The following TMPRSS12 variants were observed in gnomAD, a reference collection of about 807,000 sequenced individuals.
TMPRSS12 encodes the protein transmembrane serine protease 12.
In TMPRSS12, 25 loss-of-function variants were observed where a neutral mutation model predicts 26.0. The ratio of observed to expected loss-of-function variants is 0.96; its 90% confidence interval spans 0.70 to 1.34. TMPRSS12 has a LOEUF of 1.34. Ranked by LOEUF, TMPRSS12 falls within the 40% of genes most tolerant of loss-of-function variation. The pLI is 0.00. For synonymous variants in TMPRSS12, 150 were observed against 161.7 expected, an observed-to-expected ratio of 0.93 and a Z score of 0.55; for missense variants, 441 against 440.1, an observed-to-expected ratio of 1.00 and a Z score of -0.02.
chr12:50,865,200 G>T (rs546158364), intron 3 of TMPRSS12, among the ~76,000 whole-genome samples: 1 of 152,220 alleles, frequency 6.6e-6, no homozygotes, highest in South Asian at 2.1e-4. Context: ...AGGCATGGTG[G>T]TGGGTGCCTG....
rs185466150 is a variant in TMPRSS12 at position 50,857,722 on chromosome 12, T to G, written c.384-1063T>G. Among the ~76,000 whole-genome samples the G allele has an allele frequency of 1.7e-4, 26 of 152,344 alleles. No homozygotes were observed. In the East Asian group the frequency reaches 5.0e-3, roughly 29 times the overall value. The stretch of plus-strand genomic sequence containing the variant: ...CTTCTTGTTTTTACCTTTAGTGTCA[T>G]GCTTTATCAAATCCTTTCTTGCGTC... On this transcript the variant is annotated intron_variant, in intron 2 of 4. Transcript: ENST00000398458.
chr12:50,882,797 A>C (rs967801882), intron 3 of TMPRSS12, among the ~76,000 whole-genome samples: 1 of 53,444 alleles, frequency 1.9e-5, no homozygotes, highest in African/African-American at 6.6e-5. Flanking sequence ...AAAATAAAAA[A>C]CCAGAACTCA....
intron 3 of TMPRSS12, among the ~76,000 whole-genome samples, chr12:50,871,544 T>C (rs1938042457): frequency 6.6e-6 from 1 of 152,138 alleles, no homozygotes; most frequent in Admixed American, 6.5e-5. Context: ...GGCAAGGATT[T>C]CATGACCAAG....
rs1258231876 is a variant in TMPRSS12, at chr12:50,885,317, A to C, written c.724A>C (p.Ser242Arg). 3 of 1,613,484 alleles carry C rather than the reference A, an allele frequency of 1.9e-6. No homozygotes were observed. Among genetic ancestry groups the C allele is most frequent in the Non-Finnish European group, 2.5e-6 (3 of 1,179,754 alleles). Residue 242 changes from serine (S) to arginine (R), a missense_variant, in exon 4 of 5, where the codon AGT (serine) becomes CGT (arginine). Physicochemically the swap from Ser to Arg is moderately radical, Grantham distance 110. Coordinates refer to ENST00000398458, the MANE Select transcript of TMPRSS12 (RefSeq NM_182559.3). ...TCGAGAGATGTGTAATTCTGAGAGG[A>C]GTTATGGGGGAATAATTCCTAACAC... Reference protein sequence around the residue: ...ISREMCNSERSYGGIIPNTSF... With the variant: ...ISREMCNSERRYGGIIPNTSF...
intron 3 of TMPRSS12, among the ~76,000 whole-genome samples, chr12:50,859,468 G>A (rs1937915072): frequency 6.6e-6 from 1 of 151,938 alleles, no homozygotes; most frequent in African/African-American, 2.4e-5. Flanking sequence ...TGCCCACATC[G>A]GCCTCCCAAA....
At chr12:50,874,124 C>T (rs1028727185) in intron 3 of TMPRSS12, among the ~76,000 whole-genome samples, 4 of 152,050 alleles carry the variant, frequency 2.6e-5, no homozygotes, top group African/African-American at 9.7e-5. Flanking sequence ...AAGCCCAGTT[C>T]ACTTCACAGG....
At chr12:50,873,401 G>GT (rs1306763836) in intron 3 of TMPRSS12, among the ~76,000 whole-genome samples, 1 of 152,050 alleles carries the variant, frequency 6.6e-6, no homozygotes, top group Non-Finnish European at 1.5e-5. Flanking sequence ...CTGAGAGAAA[G>GT]TAACTATGAG....
chr12:50,844,000 T>C lies in TMPRSS12; in HGVS notation c.346T>C (p.Trp116Arg). 1 of 1,602,536 alleles carries C rather than the reference T, an allele frequency of 6.2e-7. No homozygotes were observed. The highest frequency in any genetic ancestry group is 8.5e-7 in the Non-Finnish European group (1 of 1,174,948). ...TGGGGGAACCCTAGTGAGAGAGAGG[T>C]GGGTCCTCACAGCTGCCCACTGCAC... ...VCGGTLVRER[W>R]VLTAAHCTKD... Residue 116 changes from tryptophan (W) to arginine (R), a missense_variant, in exon 2 of 5, where the codon TGG becomes CGG. Physicochemically the swap from Trp to Arg is moderately radical, Grantham distance 101 (BLOSUM62 -3). Coordinates refer to ENST00000398458, the MANE Select transcript of TMPRSS12 (RefSeq NM_182559.3).
At chr12:50,882,536 AAAGG>A (rs1467280586) in intron 3 of TMPRSS12, among the ~76,000 whole-genome samples, 1 of 152,082 alleles carries the variant, frequency 6.6e-6, no homozygotes, top group Non-Finnish European at 1.5e-5. Context: ...ACTGGTGACA[AAAGG>A]AAAGAAGGCA....
chr12:50,880,151 C>A (rs1359780949), intron 3 of TMPRSS12, among the ~76,000 whole-genome samples: 1 of 152,022 alleles, frequency 6.6e-6, no homozygotes, highest in Non-Finnish European at 1.5e-5. Context: ...AATCTCAGTG[C>A]TTTGGGAGGC....
chr12:50,855,561 T>C (rs1565931607), intron 2 of TMPRSS12, among the ~76,000 whole-genome samples: 1 of 152,148 alleles, frequency 6.6e-6, no homozygotes, highest in Non-Finnish European at 1.5e-5. Flanking sequence ...AAATAACAGA[T>C]TCTAGCAAGG....
At chr12:50,844,379 CTT>C (rs1052347447) in intron 2 of TMPRSS12, among the ~76,000 whole-genome samples, 2 of 145,040 alleles carry the variant, frequency 1.4e-5, no homozygotes, top group African/African-American at 2.5e-5. Flanking sequence ...TTATTTTTTA[CTT>C]TTTTTTTTTT....
At chr12:50,857,788 T>G (rs993667799) in intron 2 of TMPRSS12, among the ~76,000 whole-genome samples, 6 of 147,542 alleles carry the variant, frequency 4.1e-5, no homozygotes, top group East Asian at 2.0e-4. Context: ...GGTTTAGTTT[T>G]TTGTTGTTGT....
intron 3 of TMPRSS12, among the ~76,000 whole-genome samples, chr12:50,874,145 C>A (rs1032973770): frequency 6.6e-6 from 1 of 151,998 alleles, no homozygotes; most frequent in Non-Finnish European, 1.5e-5. Context: ...TGAATTACAT[C>A]AAATATTTTA....
intron 1 of TMPRSS12, among the ~76,000 whole-genome samples, chr12:50,843,413 A>G (rs1448494112): frequency 6.6e-6 from 1 of 152,178 alleles, no homozygotes. Context: ...GTCAGGGGAT[A>G]AAGAGTTGAA....
chr12:50,878,553 T>C (rs1938134590), intron 3 of TMPRSS12, among the ~76,000 whole-genome samples: 1 of 152,176 alleles, frequency 6.6e-6, no homozygotes. Flanking sequence ...ACTTCAGTCT[T>C]GGGTAACACA....
chr12:50,849,009 C>T (rs967080171), intron 2 of TMPRSS12, among the ~76,000 whole-genome samples: 1 of 152,146 alleles, frequency 6.6e-6, no homozygotes, highest in Non-Finnish European at 1.5e-5. Context: ...GGACTACAGG[C>T]ATGTGCTACC....
At chr12:50,878,648 A>C (rs991262425) in intron 3 of TMPRSS12, among the ~76,000 whole-genome samples, 1 of 152,174 alleles carries the variant, frequency 6.6e-6, no homozygotes. Context: ...GGGAAAAAAA[A>C]CCTTATATTT....
At chr12:50,844,154 T>A in intron 2 of TMPRSS12, 117 bp downstream of exon 2, 1 of 744,672 alleles carries the variant, frequency 1.3e-6, no homozygotes, top group Non-Finnish European at 2.1e-6. Context: ...CCATAATGCC[T>A]TATATATAGT....
Sources: allele counts gnomAD v4.1 joint callset (sites outside exome capture counted in the v4.1 genomes callset), GRCh38; gene constraint gnomAD v4.1.1; transcripts MANE v1.5; gene names NCBI Gene and HGNC (gene_info 2026-07-23, HGNC 2026-07-21).